The following EDA variants were observed in gnomAD, a reference collection of about 807,000 sequenced individuals.
The protein encoded by EDA is ectodysplasin A, also known as ectodysplasin-A.
EDA carries 2 observed loss-of-function variants against 23.6 expected under a neutral mutation model. The ratio of observed to expected loss-of-function variants is 0.08; its 90% CI spans 0.03 to 0.27. EDA has a LOEUF of 0.27. EDA is among the 10% of genes least tolerant of loss of function. The pLI, the probability that EDA is intolerant of heterozygous loss-of-function variation, is 1.00. For missense variants in EDA, 229 were observed against 324.2 expected (o/e 0.71, Z 2.26); for synonymous variants, 131 against 132.0 (o/e 0.99, Z 0.05).
At chrX:69,834,566 G>A (rs868704172) in intron 1 of EDA, among the ~76,000 whole-genome samples, 12 of 105,470 alleles carry the variant, frequency 1.1e-4, no homozygotes, top group Middle Eastern at 4.9e-3. Context: ...CATTTGCTTG[G>A]TAGATCTTCC....
Position 69,636,378 on chromosome X carries a change from G to A in EDA, c.396+19674G>A, listed in dbSNP as rs755111901. ...TGTAGGTACCATGCTTGTACAGCCA[G>A]TAGAACTGTGAGCCAATTAAGCCTC... On this transcript the variant is annotated intron_variant, in intron 1 of 7. Coordinates refer to ENST00000374552, the MANE Select transcript of EDA (RefSeq NM_001399.5). Among the ~76,000 whole-genome samples the A allele has an allele frequency of 2.9e-3, 321 of 110,655 alleles. 1 individual carries two copies. Among genetic ancestry groups the A allele is most frequent in the Middle Eastern group, 4.7e-3 (1 of 215 alleles).
rs752428157 is a variant in EDA, at chrX:69,707,262, G to A, written c.396+90558G>A. Among the ~76,000 whole-genome samples, 57 of 111,903 alleles carry A rather than the reference G, an allele frequency of 5.1e-4. 1 individual carries two copies. Among genetic ancestry groups the A allele is most frequent in the African/African-American group, 1.8e-3 (55 of 30,922 alleles). On this transcript the variant is annotated intron_variant, in intron 1 of 7. Transcript: ENST00000374552. The stretch of plus-strand genomic sequence containing the variant: ...AAAATGGTCCAAGTGGTATTAGACA[G>A]GTTTGGACACAGGAATCTTTTAGAC...
At chrX:69,879,263 T>G (rs1244791377) in intron 1 of EDA, among the ~76,000 whole-genome samples, 1 of 111,463 alleles carries the variant, frequency 9.0e-6, no homozygotes, top group East Asian at 2.8e-4. Context: ...TATAAGCAAC[T>G]TTATGGAATT....
intron 1 of EDA, among the ~76,000 whole-genome samples, chrX:69,755,871 G>T (rs2014095359): frequency 8.9e-6 from 1 of 112,750 alleles, no homozygotes; most frequent in African/African-American, 3.2e-5. Context: ...GCCAGGCATG[G>T]GATATAATCT....
intron 1 of EDA, among the ~76,000 whole-genome samples, chrX:69,888,978 TTATATATATATATATATATATA>T (rs935436674): frequency 3.1e-4 from 5 of 16,032 alleles, no homozygotes; most frequent in Admixed American, 1.4e-3. Context: ...TGTGGGGTAG[TTATATATATATATATATATATA>T]TATATATATA....
chrX:69,698,621 C>T (rs2011438867), intron 1 of EDA, among the ~76,000 whole-genome samples: 1 of 111,249 alleles, frequency 9.0e-6, no homozygotes, highest in Admixed American at 9.5e-5. Context: ...AAAGAGGGTG[C>T]TTTTGGTGTT....
chrX:69,829,483 A>G (rs1370548301), intron 1 of EDA, among the ~76,000 whole-genome samples: 15 of 112,515 alleles, frequency 1.3e-4, no homozygotes, highest in African/African-American at 4.8e-4. Flanking sequence ...TGGAGCATTC[A>G]TGGAAAAAAA....
chrX:69,817,184 C>T (rs1444904032), intron 1 of EDA, among the ~76,000 whole-genome samples: 3 of 111,665 alleles, frequency 2.7e-5, no homozygotes, highest in Non-Finnish European at 3.8e-5. Flanking sequence ...GAATTTGTTA[C>T]CATCAGGCCT....
At chrX:69,982,720 A>C (rs775438157) in intron 2 of EDA, among the ~76,000 whole-genome samples, 1 of 103,175 alleles carries the variant, frequency 9.7e-6, no homozygotes, top group Non-Finnish European at 2.0e-5. Context: ...GTGCTGAAAA[A>C]AATGTATATT....
chrX:69,695,512 C>CTT (rs34298428), intron 1 of EDA, among the ~76,000 whole-genome samples: 1,268 of 88,832 alleles, frequency 0.014, 34 homozygotes, highest in African/African-American at 0.049. Flanking sequence ...TTCCTTCTTT[C>CTT]TTTTTTTTTT....
intron 1 of EDA, among the ~76,000 whole-genome samples, chrX:69,682,809 A>G (rs1934418744): frequency 9.0e-6 from 1 of 111,368 alleles, no homozygotes; most frequent in African/African-American, 3.3e-5. Context: ...GGAGCTGTAG[A>G]CCGGAGCTGT....
intron 1 of EDA, among the ~76,000 whole-genome samples, chrX:69,762,336 G>A (rs1394497833): frequency 8.9e-6 from 1 of 111,963 alleles, no homozygotes; most frequent in African/African-American, 3.2e-5. Context: ...TTGTTCTCCA[G>A]TAAGTCTTTC....
chrX:70,023,475 A>C (rs879220733), intron 3 of EDA, among the ~76,000 whole-genome samples: 2 of 23,696 alleles, frequency 8.4e-5, no homozygotes, highest in Non-Finnish European at 1.5e-4. Context: ...CCTTCTTTTT[A>C]TTCTTTTTTT....
At chrX:69,628,251 A>G (rs1343868325) in intron 1 of EDA, among the ~76,000 whole-genome samples, 1 of 112,135 alleles carries the variant, frequency 8.9e-6, no homozygotes, top group East Asian at 2.8e-4. Context: ...CTCTGTACCT[A>G]GAAAAATTGC....
At chrX:69,687,024 C>A (rs562510538) in intron 1 of EDA, among the ~76,000 whole-genome samples, 5 of 111,935 alleles carry the variant, frequency 4.5e-5, no homozygotes, top group African/African-American at 1.6e-4. Context: ...GTGGCTGCAC[C>A]ATATTACATT....
intron 1 of EDA, among the ~76,000 whole-genome samples, chrX:69,659,755 G>A (rs1416389465): frequency 1.8e-5 from 2 of 111,455 alleles, no homozygotes; most frequent in African/African-American, 6.5e-5. Flanking sequence ...AATTCTTGTG[G>A]TGTTGGAGGC....
At chrX:69,751,882 G>T (rs1484978278) in intron 1 of EDA, among the ~76,000 whole-genome samples, 6 of 107,474 alleles carry the variant, frequency 5.6e-5, no homozygotes, top group African/African-American at 2.1e-4. Flanking sequence ...GTTATAACAG[G>T]AATTCCTGTT....
At chrX:69,856,254 GGTGTGTGT>G (rs202079519) in intron 1 of EDA, among the ~76,000 whole-genome samples, 7,022 of 74,845 alleles carry the variant, frequency 0.094, 247 homozygotes, top group East Asian at 0.22. Flanking sequence ...AGTATTCCAT[GGTGTGTGT>G]GTGTGTGTGT....
At chrX:69,640,009 A>G (rs1932822486) in intron 1 of EDA, among the ~76,000 whole-genome samples, 1 of 112,010 alleles carries the variant, frequency 8.9e-6, no homozygotes, top group African/African-American at 3.2e-5. Flanking sequence ...TGTTGAGAAG[A>G]CTGTCCTTTC....
Sources: allele counts gnomAD v4.1 joint callset (sites outside exome capture counted in the v4.1 genomes callset), GRCh38; gene constraint gnomAD v4.1.1; transcripts MANE v1.5; gene names NCBI Gene and HGNC (gene_info 2026-07-23, HGNC 2026-07-21).